The following TEKT3 variants were observed in gnomAD, a reference collection of about 807,000 sequenced individuals.
TEKT3 encodes the protein tektin 3.
Under a neutral mutation model 49.8 loss-of-function variants are expected in TEKT3, and 49 were observed. That is an observed-to-expected ratio of 0.98 (90% CI 0.78 to 1.25). The LOEUF is 1.25. Among genes scored for constraint, TEKT3 ranks in the 50% most tolerant of loss-of-function variants. The pLI is 0.00. For synonymous variants in TEKT3, 225 were observed against 237.2 expected, an observed-to-expected ratio of 0.95 and a Z score of 0.47; for missense variants, 595 against 629.5, an observed-to-expected ratio of 0.95 and a Z score of 0.59.
chr17:15,338,795 C>T (rs898788472), intron 2 of TEKT3, among the ~76,000 whole-genome samples: 3 of 150,238 alleles, frequency 2.0e-5, no homozygotes, highest in Non-Finnish European at 2.9e-5. Context: ...GGATTACAGG[C>T]GTGAGCCACC....
chr17:15,315,638 C>T lies in TEKT3; in HGVS notation c.735-1408G>A, dbSNP rs549368256. On this transcript the variant is annotated intron_variant, in intron 5 of 8. Transcript: ENST00000395930. ...AGTCGTTGGAATAATGGAATTCCAT[C>T]AACTAAGATAGGGGGTTGGCTGGGG... Among the ~76,000 whole-genome samples, 13 of 148,778 alleles carry T rather than the reference C, an allele frequency of 8.7e-5. No individual in the cohort carries two copies. In the East Asian group the frequency reaches 2.6e-3, roughly 29 times the overall value.
intron 4 of TEKT3, 116 bp downstream of exon 4, chr17:15,327,876 A>T: frequency 3.7e-6 from 3 of 818,728 alleles, no homozygotes; most frequent in Non-Finnish European, 6.1e-6. Context: ...TCAGCATCTG[A>T]TACGATAATG....
chr17:15,338,595 C>T (rs1023084229), intron 2 of TEKT3: 3 of 150,512 alleles, frequency 2.0e-5, no homozygotes, highest in Non-Finnish European at 4.4e-5. Flanking sequence ...AGCTCCGCCT[C>T]CTGGGTTCAC....
chr17:15,335,070 TGA>T (rs1324987739), intron 2 of TEKT3, among the ~76,000 whole-genome samples: 3 of 152,132 alleles, frequency 2.0e-5, no homozygotes, highest in African/African-American at 7.2e-5. Flanking sequence ...ACAAATAAGG[TGA>T]GCCCTCTGAT....
At position 15,319,155 on chromosome 17, in the gene TEKT3, A is replaced by G. The variant is rs1325028380; in HGVS notation, c.664-8T>C. 8.8e-6 allele frequency: 14 copies of G among 1,595,888 alleles called. No individual in the cohort carries two copies. The highest frequency in any genetic ancestry group is 1.2e-5 in the Non-Finnish European group (14 of 1,172,046). ...CAGAATAGTATCAACTTCCTACTCAATTGGAAAAAAAACATATTAATGTTT... is the reference window on the plus strand; with the variant it reads ...CAGAATAGTATCAACTTCCTACTCAGTTGGAAAAAAAACATATTAATGTTT... On this transcript the variant is annotated splice_polypyrimidine_tract_variant and splice_region_variant and intron_variant, in intron 4 of 8. Transcript: ENST00000395930.
chr17:15,305,995 C>T (rs1197063320), intron 8 of TEKT3, among the ~76,000 whole-genome samples: 1 of 151,896 alleles, frequency 6.6e-6, no homozygotes, highest in African/African-American at 2.4e-5. Flanking sequence ...TGAAGTCACT[C>T]TTTCTCTTTC....
rs759104856 is a variant in TEKT3, at chr17:15,314,084, T to TA, written c.878+2dup. The stretch of plus-strand genomic sequence containing the variant: ...TCACAGCCGTGGCGTGTGCCTGACT[T>TA]ACGTTGCATCGACCCTCTCCACTCC... On this transcript the variant is annotated splice_region_variant and intron_variant, in intron 6 of 8. Coordinates refer to ENST00000395930, the MANE Select transcript of TEKT3 (RefSeq NM_031898.3). 3 of 1,614,204 alleles carry TA rather than the reference T, an allele frequency of 1.9e-6. No homozygotes were observed. The Admixed American group carries it at 5.0e-5, about 27-fold the overall frequency.
At chr17:15,319,467 C>G (rs1366224832) in intron 4 of TEKT3, among the ~76,000 whole-genome samples, 2 of 151,970 alleles carry the variant, frequency 1.3e-5, no homozygotes, top group African/African-American at 4.8e-5. Context: ...AAAAAAAATT[C>G]TGGTAATATA....
chr17:15,321,971 A>G (rs1911287485), intron 4 of TEKT3, among the ~76,000 whole-genome samples: 1 of 152,130 alleles, frequency 6.6e-6, no homozygotes, highest in African/African-American at 2.4e-5. Flanking sequence ...CCATCACCTC[A>G]AGTGAAAATC....
At position 15,331,001 on chromosome 17, in the gene TEKT3, T is replaced by A. The variant is rs769493095; in HGVS notation, c.579+6A>T. 6.2e-7 allele frequency: 1 copy of A among 1,600,668 alleles called. No homozygotes were observed. Among genetic ancestry groups the A allele is most frequent in the East Asian group, 2.2e-5 (1 of 44,786 alleles). Reference sequence around the variant, plus strand: ...AAATTCAGTGTGTTCTATCATAAGGTCTTACCTGAAGAGGGGCTTCAGTCT... The same window carrying A: ...AAATTCAGTGTGTTCTATCATAAGGACTTACCTGAAGAGGGGCTTCAGTCT... On this transcript the variant is annotated splice_donor_region_variant and intron_variant, in intron 3 of 8. Transcript: ENST00000395930.
intron 7 of TEKT3, 94 bp from the exon 8 acceptor site, chr17:15,308,912 G>A (rs924543272): frequency 1.5e-5 from 22 of 1,470,216 alleles, no homozygotes; most frequent in African/African-American, 9.7e-5. Flanking sequence ...TGTCCAGCAC[G>A]TGCCTTGACC....
At chr17:15,310,189 T>A (rs1910711651) in intron 7 of TEKT3, among the ~76,000 whole-genome samples, 1 of 152,248 alleles carries the variant, frequency 6.6e-6, no homozygotes. Context: ...ACATTTCATC[T>A]GTGTTTCCAA....
chr17:15,338,542 C>T (rs1051133300), intron 2 of TEKT3: 1 of 149,452 alleles, frequency 6.7e-6, no homozygotes, highest in African/African-American at 2.4e-5. Context: ...CTCGCTCTGT[C>T]CCCCAGGCTG....
chr17:15,312,448 T>G lies in TEKT3; in HGVS notation c.912A>C (p.Thr304=). Residue 304 remains threonine (T), a synonymous_variant, in exon 7 of 9, where the codon ACA becomes ACC. Coordinates refer to ENST00000395930, the MANE Select transcript of TEKT3 (RefSeq NM_031898.3). ...VSVPESWAKF[T]DDNILRSQSE... ...TCTGGGAGCGGAGAATATTGTCATC[T>G]GTAAATTTGGCCCAGGACTCAGGCA... 6.2e-7 allele frequency: 1 copy of G among 1,614,166 alleles called. No individual in the cohort carries two copies. Among genetic ancestry groups the G allele is most frequent in the Non-Finnish European group, 8.5e-7 (1 of 1,180,028 alleles).
chr17:15,324,004 G>A (rs549346349), intron 4 of TEKT3, among the ~76,000 whole-genome samples: 3 of 152,218 alleles, frequency 2.0e-5, no homozygotes, highest in South Asian at 2.1e-4. Flanking sequence ...TACATTCGCC[G>A]AGTTGTATAA....
intron 5 of TEKT3, among the ~76,000 whole-genome samples, chr17:15,315,902 C>T (rs949881066): frequency 5.9e-5 from 9 of 152,200 alleles, no homozygotes; most frequent in Admixed American, 3.9e-4. Context: ...AGAGCAAAGC[C>T]GTTCACTCAG....
chr17:15,314,919 G>A (rs1910935964), intron 5 of TEKT3, among the ~76,000 whole-genome samples: 1 of 152,160 alleles, frequency 6.6e-6, no homozygotes, highest in Non-Finnish European at 1.5e-5. Context: ...TGAGATGTAT[G>A]GTCTTGCCTG....
intron 8 of TEKT3, among the ~76,000 whole-genome samples, chr17:15,307,460 A>G (rs1910599293): frequency 6.6e-6 from 1 of 152,250 alleles, no homozygotes; most frequent in African/African-American, 2.4e-5. Context: ...GAGATAGTAT[A>G]AAGTGCTTAG....
At chr17:15,334,899 T>C (rs12452365) in intron 2 of TEKT3, among the ~76,000 whole-genome samples, 10,324 of 152,200 alleles carry the variant, frequency 0.068, 794 homozygotes, top group African/African-American at 0.19. Flanking sequence ...AACTAAGAAA[T>C]ACTTAAAAAC....
Sources: gnomAD v4.1 joint callset for allele counts (sites outside exome capture counted in the v4.1 genomes callset) on GRCh38, gnomAD v4.1.1 for gene constraint, MANE v1.5 for transcripts, NCBI Gene and HGNC (gene_info 2026-07-23, HGNC 2026-07-21) for gene names.